Variants in PTPRD observed in about 807,000 individuals in gnomAD.
The protein encoded by PTPRD is protein tyrosine phosphatase receptor type D.
In PTPRD, 34 loss-of-function variants were observed where a neutral mutation model predicts 214.5. That is an observed-to-expected ratio of 0.16 (90% CI 0.12 to 0.21). The LOEUF (loss-of-function observed/expected upper bound fraction) is 0.21. PTPRD is among the 10% of genes least tolerant of loss of function. PTPRD has a pLI of 1.00. For synonymous variants in PTPRD, 1,128 were observed against 845.7 expected (o/e 1.33, Z -5.79); for missense variants, 2,545 against 2,398.7 (o/e 1.06, Z -1.27).
chr9:9,801,227 G>C (rs1253996896), intron 5 of PTPRD, among the ~76,000 whole-genome samples: 2 of 151,842 alleles, frequency 1.3e-5, no homozygotes, highest in African/African-American at 4.8e-5. Context: ...TTCATAGAAA[G>C]GAAAATGCTT....
intron 9 of PTPRD, among the ~76,000 whole-genome samples, chr9:9,367,170 A>G (rs1350838755): frequency 6.6e-6 from 1 of 151,544 alleles, no homozygotes; most frequent in Non-Finnish European, 1.5e-5. Context: ...TTATGCTAAA[A>G]TTTATATTCT....
intron 14 of PTPRD, among the ~76,000 whole-genome samples, chr9:8,578,853 A>C (rs1036991078): frequency 1.8e-4 from 28 of 152,218 alleles, no homozygotes; most frequent in African/African-American, 6.3e-4. Context: ...TAAACTTCAA[A>C]TTACATGAAA....
At chr9:8,454,496 C>G (rs993053296) in intron 33 of PTPRD, 1 of 1,457,514 alleles carries the variant, frequency 6.9e-7, no homozygotes, top group East Asian at 2.3e-5. Context: ...TGCAGCCCCG[C>G]CCTCCCCTCT....
chr9:8,719,800 C>T (rs576970253), intron 12 of PTPRD, among the ~76,000 whole-genome samples: 9 of 151,576 alleles, frequency 5.9e-5, no homozygotes, highest in East Asian at 5.8e-4. Context: ...AAAATGTTAG[C>T]GCCAAGTAGG....
At chr9:10,467,196 G>T (rs541242133) in intron 2 of PTPRD, among the ~76,000 whole-genome samples, 41 of 152,084 alleles carry the variant, frequency 2.7e-4, no homozygotes, top group Middle Eastern at 3.2e-3. Flanking sequence ...CTACTTATGG[G>T]GGCAGATAAA....
chr9:8,984,568 C>G (rs1370914488), intron 11 of PTPRD, among the ~76,000 whole-genome samples: 1 of 152,074 alleles, frequency 6.6e-6, no homozygotes, highest in African/African-American at 2.4e-5. Context: ...GAAGCACAAG[C>G]AAGGAAGCAG....
intron 7 of PTPRD, among the ~76,000 whole-genome samples, chr9:9,631,529 G>A (rs1438369427): frequency 6.6e-6 from 1 of 151,788 alleles, no homozygotes; most frequent in Admixed American, 6.6e-5. Flanking sequence ...TTTTTTTCTT[G>A]TTTTCTAAAC....
At chr9:8,367,697 G>A (rs10758962) in intron 39 of PTPRD, among the ~76,000 whole-genome samples, 13,193 of 152,094 alleles carry the variant, frequency 0.087, 624 homozygotes, top group Middle Eastern at 0.11. Context: ...CAACAATTAC[G>A]TAGAACTCAA....
intron 5 of PTPRD, among the ~76,000 whole-genome samples, chr9:9,843,406 C>T (rs1565697912): frequency 1.3e-5 from 2 of 151,792 alleles, no homozygotes; most frequent in East Asian, 3.9e-4. Flanking sequence ...TCAAATTAGG[C>T]CTTTTCTTTA....
chr9:8,692,177 T>G (rs2097821042), intron 12 of PTPRD, among the ~76,000 whole-genome samples: 1 of 152,122 alleles, frequency 6.6e-6, no homozygotes, highest in East Asian at 1.9e-4. Context: ...GAAAATAAAC[T>G]AAGTAAAGAG....
intron 2 of PTPRD, among the ~76,000 whole-genome samples, chr9:10,446,736 G>C (rs751161372): frequency 3.9e-5 from 6 of 152,064 alleles, no homozygotes; most frequent in Non-Finnish European, 7.4e-5. Context: ...GTAAACCTCA[G>C]GAGACTTTTG....
At chr9:8,655,560 G>T (rs377359339) in intron 12 of PTPRD, among the ~76,000 whole-genome samples, 1 of 152,102 alleles carries the variant, frequency 6.6e-6, no homozygotes, top group Non-Finnish European at 1.5e-5. Context: ...ATATGAAGGT[G>T]TGTATAGAAA....
chr9:10,600,770 G>T (rs2077763536), intron 2 of PTPRD, among the ~76,000 whole-genome samples: 1 of 151,688 alleles, frequency 6.6e-6, no homozygotes, highest in Non-Finnish European at 1.5e-5. Context: ...TCAAAAGTTG[G>T]ATTTCATGGT....
intron 7 of PTPRD, among the ~76,000 whole-genome samples, chr9:9,724,652 C>G (rs1257647136): frequency 6.6e-6 from 1 of 152,116 alleles, no homozygotes; most frequent in African/African-American, 2.4e-5. Context: ...AGCATTAGAT[C>G]AAAATGTGAA....
intron 6 of PTPRD, among the ~76,000 whole-genome samples, chr9:9,762,274 C>T (rs1466746259): frequency 6.6e-6 from 1 of 152,146 alleles, no homozygotes; most frequent in Non-Finnish European, 1.5e-5. Flanking sequence ...TCACTTTGTC[C>T]CATCTTTGTC....
chr9:9,004,906 T>G (rs985721294), intron 11 of PTPRD, among the ~76,000 whole-genome samples: 10 of 152,090 alleles, frequency 6.6e-5, no homozygotes, highest in African/African-American at 2.4e-4. Context: ...GTGTAAGTTT[T>G]GTTCAATTGA....
chr9:10,065,659 T>A (rs1196634173), intron 3 of PTPRD, among the ~76,000 whole-genome samples: 1 of 151,928 alleles, frequency 6.6e-6, no homozygotes, highest in African/African-American at 2.4e-5. Flanking sequence ...AAACCCTAAA[T>A]ATCAACCAAT....
chr9:10,467,176 T>C (rs1431942853), intron 2 of PTPRD, among the ~76,000 whole-genome samples: 1 of 152,194 alleles, frequency 6.6e-6, no homozygotes, highest in African/African-American at 2.4e-5. Context: ...GAGAAGAGTA[T>C]ACAATTTCAC....
At chr9:9,436,822 T>C (rs1389487156) in intron 8 of PTPRD, among the ~76,000 whole-genome samples, 7 of 152,112 alleles carry the variant, frequency 4.6e-5, no homozygotes, top group Admixed American at 4.6e-4. Context: ...TCCACACTGG[T>C]TCCTGGAGAC....
Sources: gnomAD v4.1 joint callset for allele counts (sites outside exome capture counted in the v4.1 genomes callset) on GRCh38, gnomAD v4.1.1 for gene constraint, MANE v1.5 for transcripts, NCBI Gene and HGNC (gene_info 2026-07-23, HGNC 2026-07-21) for gene names.